The following MAGI2 variants were observed in gnomAD, a reference collection of about 807,000 sequenced individuals.
MAGI2 encodes membrane associated guanylate kinase, WW and PDZ domain containing 2, also known as membrane-associated guanylate kinase, WW and PDZ domain-containing protein 2.
A neutral mutation model predicts 133.3 loss-of-function variants in MAGI2; 35 were observed. The ratio of observed to expected loss-of-function variants is 0.26; its 90% confidence interval spans 0.20 to 0.35. The LOEUF is 0.35. Ranked by LOEUF, MAGI2 falls within the 10% of genes least tolerant of loss-of-function variation. The pLI is 1.00. For synonymous variants in MAGI2, 729 were observed against 710.6 expected, an observed-to-expected ratio of 1.03 and a Z score of -0.41; for missense variants, 1,636 against 1,863.4, an observed-to-expected ratio of 0.88 and a Z score of 2.25.
chr7:78,846,152 G>A (rs1219301386), intron 2 of MAGI2, among the ~76,000 whole-genome samples: 1 of 151,608 alleles, frequency 6.6e-6, no homozygotes, highest in African/African-American at 2.4e-5. Context: ...CTATGCCCCA[G>A]TGAACATGGG....
intron 3 of MAGI2, among the ~76,000 whole-genome samples, chr7:78,599,330 AG>A (rs1804943220): frequency 6.6e-6 from 1 of 152,134 alleles, no homozygotes; most frequent in Admixed American, 6.5e-5. Flanking sequence ...ATAGATCTCA[AG>A]TGTTCTTACT....
intron 2 of MAGI2, among the ~76,000 whole-genome samples, chr7:78,970,127 G>A (rs546844179): frequency 6.6e-6 from 1 of 151,906 alleles, no homozygotes; most frequent in East Asian, 1.9e-4. Context: ...TATGTTACCT[G>A]GCATTATACA....
intron 1 of MAGI2, among the ~76,000 whole-genome samples, chr7:79,105,718 T>C (rs1031141954): frequency 6.6e-6 from 1 of 152,182 alleles, no homozygotes; most frequent in Non-Finnish European, 1.5e-5. Flanking sequence ...CAAACCCGAC[T>C]AACCATTTTT....
At chr7:79,010,206 C>T (rs989852599) in intron 1 of MAGI2, among the ~76,000 whole-genome samples, 3 of 150,044 alleles carry the variant, frequency 2.0e-5, no homozygotes, top group Admixed American at 6.7e-5. Context: ...TGTATATACA[C>T]GTGTTATATG....
intron 21 of MAGI2, among the ~76,000 whole-genome samples, chr7:78,033,398 A>C (rs1174251000): frequency 6.7e-6 from 1 of 150,136 alleles, no homozygotes; most frequent in Non-Finnish European, 1.5e-5. Flanking sequence ...ACATGAGTCC[A>C]GGAGATCAAG....
At chr7:78,824,657 A>C (rs1430158792) in intron 2 of MAGI2, among the ~76,000 whole-genome samples, 1 of 152,020 alleles carries the variant, frequency 6.6e-6, no homozygotes, top group East Asian at 1.9e-4. Flanking sequence ...AGTTCCTTGT[A>C]GATTCTGGAT....
chr7:78,299,032 G>GTCTT (rs2151067840), intron 9 of MAGI2, among the ~76,000 whole-genome samples: 1 of 147,242 alleles, frequency 6.8e-6, no homozygotes, highest in Non-Finnish European at 1.5e-5. Context: ...GGTCAGGCTG[G>GTCTT]TCTTGAAACT....
At chr7:78,645,649 G>GTT (rs969403439) in intron 2 of MAGI2, among the ~76,000 whole-genome samples, 2 of 151,294 alleles carry the variant, frequency 1.3e-5, no homozygotes, top group Admixed American at 1.3e-4. Flanking sequence ...TGGTGTGTGT[G>GTT]TGTGTGTGTG....
intron 2 of MAGI2, among the ~76,000 whole-genome samples, chr7:78,968,659 C>G (rs998922836): frequency 6.6e-5 from 10 of 151,996 alleles, no homozygotes; most frequent in African/African-American, 2.4e-4. Context: ...TACTATATCA[C>G]ATTAAGCAAA....
At chr7:78,240,146 CT>C (rs1428711813) in intron 10 of MAGI2, among the ~76,000 whole-genome samples, 2 of 152,160 alleles carry the variant, frequency 1.3e-5, no homozygotes, top group Non-Finnish European at 1.5e-5. Context: ...CTCCTGCCCC[CT>C]GATAGGCCCC....
At chr7:78,879,854 C>T (rs988351467) in intron 2 of MAGI2, among the ~76,000 whole-genome samples, 2 of 151,918 alleles carry the variant, frequency 1.3e-5, no homozygotes, top group Admixed American at 1.3e-4. Context: ...ATCCAGAAAA[C>T]TTCTTAACAT....
At chr7:78,075,215 C>T (rs1033584020) in intron 21 of MAGI2, among the ~76,000 whole-genome samples, 12 of 152,054 alleles carry the variant, frequency 7.9e-5, no homozygotes, top group Admixed American at 3.9e-4. Context: ...GTCACACATA[C>T]GTTGCTGCAT....
At chr7:78,109,061 T>C (rs929250988) in intron 20 of MAGI2, among the ~76,000 whole-genome samples, 6 of 151,468 alleles carry the variant, frequency 4.0e-5, no homozygotes, top group South Asian at 2.1e-4. Flanking sequence ...TCCCAGCACT[T>C]TGGGAGGCCG....
chr7:78,812,642 T>G (rs1175324062), intron 2 of MAGI2, among the ~76,000 whole-genome samples: 1 of 150,664 alleles, frequency 6.6e-6, no homozygotes, highest in East Asian at 1.9e-4. Flanking sequence ...GCCGATAGAT[T>G]GGAATTTATT....
At chr7:78,374,903 A>G (rs529430638) in intron 6 of MAGI2, among the ~76,000 whole-genome samples, 67 of 151,962 alleles carry the variant, frequency 4.4e-4, no homozygotes, top group Non-Finnish European at 7.9e-4. Context: ...ACAGTGGCGC[A>G]ATCTTGGCTC....
At chr7:78,626,526 T>A (rs1000229582) in intron 3 of MAGI2, among the ~76,000 whole-genome samples, 13 of 152,208 alleles carry the variant, frequency 8.5e-5, no homozygotes, top group Middle Eastern at 3.2e-3. Context: ...CTGAGGCATA[T>A]TTCCTGCATT....
chr7:78,111,904 C>T (rs17522138), intron 20 of MAGI2, among the ~76,000 whole-genome samples: 6,586 of 152,240 alleles, frequency 0.043, 246 homozygotes, highest in Non-Finnish European at 0.061. Context: ...AGCACCCAGA[C>T]GTGATAAAAC....
chr7:79,335,236 T>G (rs933169781), intron 1 of MAGI2, among the ~76,000 whole-genome samples: 1 of 152,132 alleles, frequency 6.6e-6, no homozygotes, highest in African/African-American at 2.4e-5. Flanking sequence ...GACTTTAACA[T>G]AGTTTATTTT....
intron 15 of MAGI2, 44 bp from the exon 16 acceptor site, chr7:78,160,317 G>A: frequency 6.6e-7 from 1 of 1,520,366 alleles, no homozygotes; most frequent in Non-Finnish European, 8.8e-7. Flanking sequence ...CCTTACAAGG[G>A]TCTCAATGAA....
Sources: gnomAD v4.1 joint callset for allele counts (sites outside exome capture counted in the v4.1 genomes callset) on GRCh38, gnomAD v4.1.1 for gene constraint, MANE v1.5 for transcripts, NCBI Gene and HGNC (gene_info 2026-07-23, HGNC 2026-07-21) for gene names.